The following FRY variants were observed in gnomAD, a reference collection of about 807,000 sequenced individuals.
The protein encoded by FRY is FRY microtubule binding protein, also known as protein furry homolog.
Under a neutral mutation model 348.4 loss-of-function variants are expected in FRY, and 128 were observed. The ratio of observed to expected loss-of-function variants is 0.37; its 90% CI spans 0.32 to 0.43. FRY has a LOEUF of 0.43. Among genes scored for constraint, FRY ranks in the 20% least tolerant of loss-of-function variants. The pLI, the probability that FRY is intolerant of heterozygous loss-of-function variation, is 1.00. For missense variants in FRY, 2,736 were observed against 3,695.2 expected, an observed-to-expected ratio of 0.74 and a Z score of 6.73; for synonymous variants, 1,370 against 1,374.7, an observed-to-expected ratio of 1.00 and a Z score of 0.08.
intron 1 of FRY, among the ~76,000 whole-genome samples, chr13:32,052,524 CAATAT>C (rs1179458065): frequency 6.6e-6 from 1 of 152,082 alleles, no homozygotes; most frequent in East Asian, 1.9e-4. Context: ...TTATCTAATT[CAATAT>C]ATCTAAAATG....
At chr13:32,278,614 C>G (rs752478962) in intron 58 of FRY, 66 bp downstream of exon 58, 5 of 890,022 alleles carry the variant, frequency 5.6e-6, no homozygotes, top group South Asian at 1.3e-5. Flanking sequence ...TTTGGTCTAC[C>G]CAAGAAGCCT....
chr13:32,120,685 G>A (rs932759541), intron 4 of FRY, among the ~76,000 whole-genome samples: 29 of 151,962 alleles, frequency 1.9e-4, no homozygotes, highest in African/African-American at 6.3e-4. Flanking sequence ...TGTTTGAGAC[G>A]GAGTCTCACT....
chr13:32,273,360 C>T (rs1188773716), intron 55 of FRY, among the ~76,000 whole-genome samples: 1 of 151,702 alleles, frequency 6.6e-6, no homozygotes, highest in Non-Finnish European at 1.5e-5. Context: ...GTAGCTGGGA[C>T]TACAGGCGCC....
At chr13:32,187,449 A>C in intron 27 of FRY, 97 bp from the exon 28 acceptor site, 1 of 768,712 alleles carries the variant, frequency 1.3e-6, no homozygotes, top group Non-Finnish European at 2.4e-6. Context: ...GGCCCTTATC[A>C]TTTATAATTC....
intron 2 of FRY, among the ~76,000 whole-genome samples, chr13:32,087,503 G>C (rs1173405188): frequency 6.6e-6 from 1 of 152,188 alleles, no homozygotes; most frequent in Non-Finnish European, 1.5e-5. Flanking sequence ...ATGATGAATG[G>C]TTCTAGTCAT....
At chr13:32,117,773 C>T (rs76703381) in intron 4 of FRY, among the ~76,000 whole-genome samples, 1,529 of 152,328 alleles carry the variant, frequency 0.01, 27 homozygotes, top group African/African-American at 0.035. Flanking sequence ...ACTGAGTCTA[C>T]ACCCAAAGCA....
intron 1 of FRY, among the ~76,000 whole-genome samples, chr13:32,075,177 C>T (rs1874961523): frequency 6.6e-6 from 1 of 152,120 alleles, no homozygotes; most frequent in Non-Finnish European, 1.5e-5. Context: ...AAATTTTTCC[C>T]TTTTATACAC....
Position 32,068,410 on chromosome 13 carries a change from A to G in FRY, c.71-10424A>G, listed in dbSNP as rs1452895091. On this transcript the variant is annotated intron_variant, in intron 1 of 60. Transcript: ENST00000542859. ...TTATTCGATCTCCTTTTGGTGAGAA[A>G]GGACCTTGAAATGTCAATGTAACCT... is the stretch of plus-strand genomic sequence containing the variant. Among the ~76,000 whole-genome samples the G allele has an allele frequency of 2.0e-5, 3 of 152,236 alleles. No individual in the cohort carries two copies. The East Asian group carries it at 5.8e-4, about 29-fold the overall frequency.
chr13:32,172,038 G>A (rs945438502), intron 18 of FRY, among the ~76,000 whole-genome samples: 45 of 26,308 alleles, frequency 1.7e-3, no homozygotes, highest in African/African-American at 5.5e-3. Flanking sequence ...AGATAAGGAT[G>A]TAGATGTGGA....
At chr13:32,123,241 T>A (rs929425410) in intron 4 of FRY, among the ~76,000 whole-genome samples, 13 of 152,204 alleles carry the variant, frequency 8.5e-5, no homozygotes, top group Non-Finnish European at 1.5e-4. Flanking sequence ...AAAGCATGAC[T>A]AAGCAAAAAG....
At chr13:32,278,208 A>G (rs1426612456) in intron 57 of FRY, among the ~76,000 whole-genome samples, 1 of 152,216 alleles carries the variant, frequency 6.6e-6, no homozygotes, top group East Asian at 1.9e-4. Context: ...TGGTGAAACC[A>G]TTCCCTAGGG....
In FRY at chr13:32,032,019, TTCTTTTTC is replaced by T. The variant is rs1394833189; in HGVS notation, c.70+156_70+163del. ...CTTTTCTCTTTCTTTCTTTCTTTCTTTCTTTTTCTTTCTTTCTTTCTTTCTTTTTTTGC... is the reference window on the plus strand; with the variant it reads ...CTTTTCTCTTTCTTTCTTTCTTTCTTTTTCTTTCTTTCTTTCTTTTTTTGC... On this transcript the variant is annotated intron_variant, in intron 1 of 60. Coordinates refer to ENST00000542859, the MANE Select transcript of FRY (RefSeq NM_023037.3). Among the ~76,000 whole-genome samples, 1,164 of 150,246 alleles carry T rather than the reference TTCTTTTTC, an allele frequency of 7.7e-3. 15 individuals carry two copies. The highest frequency in any genetic ancestry group is 0.028 in the African/African-American group (1,104 of 39,874).
chr13:32,198,035 C>T (rs947634524), intron 29 of FRY, among the ~76,000 whole-genome samples: 3 of 152,162 alleles, frequency 2.0e-5, no homozygotes, highest in Non-Finnish European at 4.4e-5. Context: ...AGTACAGATA[C>T]TTTATTTGTA....
Position 32,284,139 on chromosome 13 carries a change from T to C in FRY, c.8470-5494T>C, listed in dbSNP as rs1309311166. 3.9e-5 allele frequency among the ~76,000 whole-genome samples: 6 copies of C among 152,358 alleles called. No individual in the cohort carries two copies. In the South Asian group the frequency reaches 1.0e-3, roughly 26 times the overall value. ...ATGATGTATTGTTGATTTTAGTTAA[T>C]GCATTCATAATTCAACAGATATTTC... On this transcript the variant is annotated intron_variant, in intron 58 of 60. Coordinates refer to ENST00000542859, the MANE Select transcript of FRY (RefSeq NM_023037.3).
At chr13:32,170,390 C>T (rs768593406) in intron 17 of FRY, among the ~76,000 whole-genome samples, 6 of 152,102 alleles carry the variant, frequency 3.9e-5, no homozygotes, top group Non-Finnish European at 8.8e-5. Flanking sequence ...AGCTTCATCT[C>T]AATATTAAGT....
Position 32,205,300 on chromosome 13 carries a change from C to T in FRY, c.4018+2773C>T, listed in dbSNP as rs564198344. Among the ~76,000 whole-genome samples, 10 of 150,454 alleles carry T rather than the reference C, an allele frequency of 6.6e-5. No homozygotes were observed. The East Asian group carries it at 2.0e-3, about 29-fold the overall frequency. On this transcript the variant is annotated intron_variant, in intron 31 of 60. Coordinates refer to ENST00000542859, the MANE Select transcript of FRY (RefSeq NM_023037.3). Reference sequence around the variant, plus strand: ...AAAGAAAAATGCTCAATGTATTAGACAGTAGCTGAAGGACTAATCAATTAT... The same window carrying T: ...AAAGAAAAATGCTCAATGTATTAGATAGTAGCTGAAGGACTAATCAATTAT...
At position 32,239,147 on chromosome 13, in the gene FRY, T is replaced by C. The variant is rs1886374085; in HGVS notation, c.6419-105T>C. ...TCATGTTTAAGCTGATTCAAAAAAC[T>C]GCTTTTGCATCACCTCAGTATAAAA... is the stretch of plus-strand genomic sequence containing the variant. On this transcript the variant is annotated intron_variant, in intron 44 of 60. Transcript: ENST00000542859. This position sits in a 1 kb window ranked among gnomAD's most constrained non-coding sequence, Gnocchi z 4.3. 1 of 780,402 alleles carries C rather than the reference T, an allele frequency of 1.3e-6. No individual in the cohort carries two copies. Among genetic ancestry groups the C allele is most frequent in the Non-Finnish European group, 2.3e-6 (1 of 434,272 alleles). The allele number at this position is 780,402 out of a possible 1,614,324, so 48.3% of individuals were successfully genotyped here.
In FRY at chr13:32,146,659, C is replaced by G. The variant is rs531575629; in HGVS notation, c.1180-623C>G. On this transcript the variant is annotated intron_variant, in intron 11 of 60. Coordinates refer to ENST00000542859, the MANE Select transcript of FRY (RefSeq NM_023037.3). ...TCTGCACCTGGAATCCTTTCCTGAC[C>G]CCATTCCTTGAGTTTGCCATATGTT... Among the ~76,000 whole-genome samples, 141 of 152,190 alleles carry G rather than the reference C, an allele frequency of 9.3e-4. 1 individual carries two copies. In the Middle Eastern group the frequency reaches 0.02, roughly 22 times the overall value.
intron 1 of FRY, among the ~76,000 whole-genome samples, chr13:32,056,783 T>A (rs2138425392): frequency 6.6e-6 from 1 of 152,342 alleles, no homozygotes; most frequent in East Asian, 1.9e-4. Flanking sequence ...ATATTTTAAC[T>A]CTTATATTTA....
Sources: allele counts gnomAD v4.1 joint callset (sites outside exome capture counted in the v4.1 genomes callset), GRCh38; gene constraint gnomAD v4.1.1; non-coding constraint Gnocchi (gnomAD v3.1); transcripts MANE v1.5; gene names NCBI Gene and HGNC (gene_info 2026-07-23, HGNC 2026-07-21).